Variants in NACA observed in about 807,000 individuals in gnomAD.
NACA encodes nascent polypeptide-associated complex subunit alpha.
A neutral mutation model predicts 86.4 loss-of-function variants in NACA; 42 were observed. The ratio of observed to expected loss-of-function variants is 0.49; its 90% CI spans 0.38 to 0.63. NACA has a LOEUF of 0.63. NACA is among the 20% of genes least tolerant of loss of function. NACA has a pLI of 0.00. For synonymous variants in NACA, 898 were observed against 973.7 expected (o/e 0.92, Z 1.45); for missense variants, 2,157 against 2,483.6 (o/e 0.87, Z 2.80).
At chr12:56,713,315 C>T (rs1592308589) in intron 6 of NACA, 125 bp from the exon 7 acceptor site, 1 of 1,319,536 alleles carries the variant, frequency 7.6e-7, no homozygotes, top group Non-Finnish European at 1.0e-6. Flanking sequence ...AACTGCTTGC[C>T]CTCACAGTAG....
At chr12:56,713,830 T>G (rs1953279285) in intron 5 of NACA, 147 bp from the exon 6 acceptor site, 3 of 805,164 alleles carry the variant, frequency 3.7e-6, no homozygotes, top group Non-Finnish European at 5.9e-6. Flanking sequence ...TCTGCCGTAG[T>G]AACTTCTGTT....
At position 56,720,911 on chromosome 12, in the gene NACA, ATG is replaced by A; in HGVS notation, c.617_618del (p.Pro206LeufsTer65). On this transcript the variant is annotated frameshift_variant, in exon 3 of 9. Coordinates refer to ENST00000454682, the MANE Select transcript of NACA (RefSeq NM_001365896.1). LOFTEE classifies it high-confidence loss of function. ...TGGTAAGGAACAGTACTGACTATAC[ATG>A]GAGGGCTGGGGGTGCCTTTTGGATT... ...VPNPKGTPSP[P>X]CIVSTVPYHC... 9 of 1,613,986 alleles carry A rather than the reference ATG, an allele frequency of 5.6e-6. No individual in the cohort carries two copies. Among genetic ancestry groups the A allele is most frequent in the Non-Finnish European group, 7.6e-6 (9 of 1,179,872 alleles).
At position 56,716,435 on chromosome 12, in the gene NACA, G is replaced by C. The variant is rs1403652688; in HGVS notation, c.5095C>G (p.Pro1699Ala). ...APESTPIITAPTRKGPQTKKS... is the reference protein window; with the variant it reads ...APESTPIITAATRKGPQTKKS... ...TTGGTCTGTGGACCTTTCCGAGTGG[G>C]AGCTGTGATGATTGGCGTGCTTTCT... The change falls in exon 3 of 9, where the codon CCC becomes GCC. Residue 1699 changes from proline (P) to alanine (A), a missense_variant. Pro to Ala is a conservative substitution (Grantham distance 27, BLOSUM62 -1). Around this residue, in one of 8 missense-constraint regions of NACA, gnomAD observed 797 missense variants for 777.6 expected, o/e 1.02. Transcript: ENST00000454682. 6.3e-7 allele frequency: 1 copy of C among 1,586,052 alleles called. No homozygotes were observed. The highest frequency in any genetic ancestry group is 1.3e-5 in the African/African-American group (1 of 74,486).
In NACA at chr12:56,716,479, A is replaced by T; in HGVS notation, c.5051T>A (p.Val1684Glu). The T allele has an allele frequency of 6.5e-7, 1 of 1,542,420 alleles. No homozygotes were observed. The highest frequency in any genetic ancestry group is 1.4e-5 in the African/African-American group (1 of 73,862). The change falls in exon 3 of 9, where the codon GTA (valine) becomes GAA (glutamate). Residue 1684 changes from valine (V) to glutamate (E), a missense_variant. By Grantham distance (121) the Val-to-Glu change is moderately radical. Transcript: ENST00000454682. ...AKKGPTALKE[V>E]LVAPAPESTP... is the part of the protein sequence containing the mutation. ...GCTTTCTGGAGCTGGGGCAACAAGT[A>T]CTTCTTTCAGAGCTGTGGGGCCTTT...
rs1953542530 is a variant in NACA at position 56,720,527 on chromosome 12, T to C, written c.1003A>G (p.Thr335Ala). Residue 335 changes from threonine (T) to alanine (A), a missense_variant, in exon 3 of 9, where the codon ACA becomes GCA. Physicochemically the swap from Thr to Ala is moderately conservative, Grantham distance 58. This residue lies in a region of NACA where 947 missense variants were observed against 917.9 expected (regional missense o/e 1.03). Transcript: ENST00000454682. ...TGATCTACAGAAATGGTCTTCACTG[T>C]AGGGTCTGACAAAGCACTAGGACCT... ...QTGPSALSDP[T>A]VKTISVDHSS... The C allele has an allele frequency of 6.2e-7, 1 of 1,613,762 alleles. No individual in the cohort carries two copies. The highest frequency in any genetic ancestry group is 1.3e-5 in the African/African-American group (1 of 74,906).
Position 56,714,438 on chromosome 12 carries a change from A to C in NACA, c.5747T>G (p.Leu1916Arg). The C allele has an allele frequency of 6.2e-7, 1 of 1,614,170 alleles. No individual in the cohort carries two copies. The highest frequency in any genetic ancestry group is 8.5e-7 in the Non-Finnish European group (1 of 1,180,008). ...STQATTQQAQ[L>R]AAAAEIDEEP... The stretch of plus-strand genomic sequence containing the variant: ...TTCATCAATTTCAGCTGCTGCCGCC[A>C]GCTAAGAAGATAAAACAGCTATTAG... The change falls in exon 5 of 9, where the codon CTG becomes CGG. Residue 1916 changes from leucine to arginine, a missense_variant and splice_region_variant. Transcript: ENST00000454682.
Position 56,718,105 on chromosome 12 carries a change from GTA to G in NACA, c.3423_3424del (p.Thr1142ProfsTer202), listed in dbSNP as rs780388132. 3.1e-6 allele frequency: 3 copies of G among 973,716 alleles called. No homozygotes were observed. Among genetic ancestry groups the G allele is most frequent in the Non-Finnish European group, 1.2e-6 (1 of 810,588 alleles). 60.3% of individuals were successfully genotyped at this position (973,716 alleles called of 1,614,324 possible). A position where few individuals can be genotyped will look rare whatever the true frequency, so the allele number is the denominator to read the frequency against. ...TGTGGGGGCCCCTTTTGGGGGTGGG[GTA>G]GCTAGACCTCCTTTTGGGGAGGGAG... is the stretch of plus-strand genomic sequence containing the variant. On this transcript the variant is annotated frameshift_variant, in exon 3 of 9. Transcript: ENST00000454682. LOFTEE classifies it high-confidence loss of function.
intron 5 of NACA, 50 bp from the exon 6 acceptor site, chr12:56,713,733 TA>T (rs1565891566): frequency 7.0e-6 from 11 of 1,569,312 alleles, no homozygotes; most frequent in Admixed American, 1.7e-5. Context: ...AGAAGCAGCC[TA>T]AAGAAGCAAG....
intron 4 of NACA, 26 bp from the exon 5 acceptor site, chr12:56,714,465 T>C (rs1363823945): frequency 1.2e-6 from 2 of 1,612,084 alleles, no homozygotes; most frequent in Non-Finnish European, 1.7e-6. Context: ...AGCTATTAGT[T>C]AACCAGAATC....
Position 56,717,485 on chromosome 12 carries a change from G to A in NACA, c.4045C>T (p.Leu1349Phe). The change falls in exon 3 of 9, where the codon CTC becomes TTC. Residue 1349 changes from leucine to phenylalanine, a missense_variant. Coordinates refer to ENST00000454682, the MANE Select transcript of NACA (RefSeq NM_001365896.1). ...TPPSPKGTPT[L>F]PATTPSSKGG... is the part of the protein sequence containing the mutation. ...TTAGAGGAGGGAGTTGTAGCTGGGAGAGTAGGGGTCCCTTTAGGGGAGGGA... is the reference window on the plus strand; with the variant it reads ...TTAGAGGAGGGAGTTGTAGCTGGGAAAGTAGGGGTCCCTTTAGGGGAGGGA... The A allele has an allele frequency of 1.5e-6, 2 of 1,355,020 alleles. No individual in the cohort carries two copies. Among genetic ancestry groups the A allele is most frequent in the Non-Finnish European group, 1.9e-6 (2 of 1,028,182 alleles). 83.9% of individuals were successfully genotyped at this position (1,355,020 alleles called of 1,614,324 possible). A position where few individuals can be genotyped will look rare whatever the true frequency, so the allele number is the denominator to read the frequency against.
chr12:56,716,226 C>A lies in NACA; in HGVS notation c.5304G>T (p.Lys1768Asn), dbSNP rs753031480. 1 of 1,613,742 alleles carries A rather than the reference C, an allele frequency of 6.2e-7. No homozygotes were observed. The highest frequency in any genetic ancestry group is 1.7e-5 in the Admixed American group (1 of 60,016). Reference protein sequence around the residue: ...PKGPLAPPESKASTPLTAAAF... With the variant: ...PKGPLAPPESNASTPLTAAAF... ...CAGCTGCTGTTAGAGGGGTGGACGC[C>A]TTAGACTCAGGAGGAGCCAAGGGGC... is the stretch of plus-strand genomic sequence containing the variant. The change falls in exon 3 of 9, where the codon AAG becomes AAT. Residue 1768 changes from lysine (K) to asparagine (N), a missense_variant. Transcript: ENST00000454682.
intron 1 of NACA, chr12:56,724,824 A>C: frequency 1.4e-5 from 5 of 344,834 alleles, no homozygotes; most frequent in Admixed American, 4.7e-5. Context: ...CCTAATACTC[A>C]CACTGGCTGG....
In NACA at chr12:56,724,846, C is replaced by T. The variant is rs142292790; in HGVS notation, c.-2-323G>A. On this transcript the variant is annotated intron_variant, in intron 1 of 8. Transcript: ENST00000454682. ...CTCACACTGGCTGGGCTGGGGCCTC[C>T]TGGACTACGTTTGCCGACTTTGGGG... 8.7e-4 allele frequency: 258 copies of T among 295,864 alleles called. 2 individuals are homozygous for T. The highest frequency in any genetic ancestry group is 5.4e-3 in the African/African-American group (249 of 45,830). 18.3% of individuals were successfully genotyped at this position (295,864 alleles called of 1,614,324 possible).
At chr12:56,714,929 T>C (rs1251491625) in intron 3 of NACA, among the ~76,000 whole-genome samples, 1 of 152,206 alleles carries the variant, frequency 6.6e-6, no homozygotes, top group Non-Finnish European at 1.5e-5. Context: ...TAGAAATAGC[T>C]GAGCAGTTTA....
chr12:56,723,900 AG>A (rs1161042662), intron 2 of NACA, among the ~76,000 whole-genome samples: 1 of 152,210 alleles, frequency 6.6e-6, no homozygotes, highest in African/African-American at 2.4e-5. Context: ...ACAATGATGC[AG>A]GAACTATTCC....
chr12:56,712,986 G>C, intron 7 of NACA, 76 bp downstream of exon 7: 3 of 1,611,248 alleles, frequency 1.9e-6, no homozygotes, highest in Non-Finnish European at 2.5e-6. Context: ...CCTGAATCTA[G>C]TTTTTAATAT....
chr12:56,721,540 C>A, intron 2 of NACA, 81 bp from the exon 3 acceptor site: 1 of 868,680 alleles, frequency 1.2e-6, no homozygotes. Flanking sequence ...CTTGGTACAA[C>A]ATGCCTCCTA....
rs1953271850 is a variant in NACA at position 56,713,558 on chromosome 12, G to A, written c.5949C>T (p.Tyr1983=). The A allele has an allele frequency of 6.2e-7, 1 of 1,613,962 alleles. No individual in the cohort carries two copies. Among genetic ancestry groups the A allele is most frequent in the East Asian group, 2.2e-5 (1 of 44,886 alleles). Residue 1983 remains tyrosine (Y), a synonymous_variant, in exon 6 of 9, where the codon TAC becomes TAT. Transcript: ENST00000454682. ...DVYKSPASDT[Y]IVFGEAKIED... ...TCACCTTGGCTTCCCCAAAAACTAT[G>A]TAAGTATCTGAAGCAGGGCTCTTGT...
chr12:56,724,218 G>A (rs1385072554), intron 2 of NACA, among the ~76,000 whole-genome samples: 1 of 152,172 alleles, frequency 6.6e-6, no homozygotes, highest in Non-Finnish European at 1.5e-5. Flanking sequence ...TGAGGCGACA[G>A]GCATAACATA....
Sources: allele counts gnomAD v4.1 joint callset (sites outside exome capture counted in the v4.1 genomes callset), GRCh38; gene constraint gnomAD v4.1.1; regional missense constraint gnomAD v4.1.1; transcripts MANE v1.5; gene names NCBI Gene and HGNC (gene_info 2026-07-23, HGNC 2026-07-21).